Variants in BMPR2 observed in about 807,000 individuals in gnomAD.
BMPR2 encodes the protein bone morphogenetic protein receptor type-2.
In BMPR2, 29 loss-of-function variants were observed where a neutral mutation model predicts 100.8. The observed-to-expected ratio is 0.29, with a 90% confidence interval of 0.21 to 0.39. The LOEUF (loss-of-function observed/expected upper bound fraction) is 0.39, where lower values mean the gene tolerates loss of function less well. Among genes scored for constraint, BMPR2 ranks in the 10% least tolerant of loss-of-function variants. The pLI, the probability that BMPR2 is intolerant of heterozygous loss-of-function variation, is 1.00. For synonymous variants in BMPR2, 382 were observed against 442.3 expected (o/e 0.86, Z 1.71); for missense variants, 1,011 against 1,274.5 (o/e 0.79, Z 3.15).
At chr2:202,428,219 A>G (rs12474455) in intron 1 of BMPR2, among the ~76,000 whole-genome samples, 18,024 of 151,968 alleles carry the variant, frequency 0.12, 1,190 homozygotes, top group Admixed American at 0.14. Flanking sequence ...TAGCACGTGC[A>G]CACACATGTG....
At chr2:202,518,232 G>A (rs1220341600) in intron 5 of BMPR2, among the ~76,000 whole-genome samples, 3 of 149,648 alleles carry the variant, frequency 2.0e-5, no homozygotes, top group Non-Finnish European at 4.4e-5. Flanking sequence ...CCGTTTCCTG[G>A]GTTCAAGTGA....
chr2:202,411,965 T>C (rs1306961016), intron 1 of BMPR2, among the ~76,000 whole-genome samples: 4 of 152,086 alleles, frequency 2.6e-5, no homozygotes, highest in East Asian at 1.9e-4. Context: ...AGTGGGAAAA[T>C]TGATGAAATT....
intron 1 of BMPR2, among the ~76,000 whole-genome samples, chr2:202,378,227 CT>C (rs1057320315): frequency 3.3e-5 from 5 of 152,244 alleles, no homozygotes; most frequent in Admixed American, 3.3e-4. Flanking sequence ...TCCGAAAGTT[CT>C]TTGACATTTC....
chr2:202,514,247 C>G (rs1224121371), intron 4 of BMPR2, among the ~76,000 whole-genome samples: 1 of 152,166 alleles, frequency 6.6e-6, no homozygotes, highest in Non-Finnish European at 1.5e-5. Flanking sequence ...CGCCATTCTC[C>G]TGCCTCAGCC....
At chr2:202,485,807 A>G (rs13022353) in intron 3 of BMPR2, among the ~76,000 whole-genome samples, 18,049 of 151,850 alleles carry the variant, frequency 0.12, 1,190 homozygotes, top group Admixed American at 0.14. Flanking sequence ...GGCCTCCCAA[A>G]GTGCTGAGAT....
At chr2:202,458,423 T>C (rs920189634) in intron 1 of BMPR2, among the ~76,000 whole-genome samples, 1 of 151,916 alleles carries the variant, frequency 6.6e-6, no homozygotes, top group Non-Finnish European at 1.5e-5. Context: ...TGAGCCAAGG[T>C]TGTGCCACTG....
intron 1 of BMPR2, among the ~76,000 whole-genome samples, chr2:202,422,248 A>T (rs1484686375): frequency 6.6e-6 from 1 of 152,130 alleles, no homozygotes; most frequent in African/African-American, 2.4e-5. Flanking sequence ...TTTCAAAGAT[A>T]CATGTGAATG....
chr2:202,546,220 T>C (rs1688372891), intron 10 of BMPR2, among the ~76,000 whole-genome samples: 1 of 152,168 alleles, frequency 6.6e-6, no homozygotes, highest in African/African-American at 2.4e-5. Flanking sequence ...TAGAGTTAGG[T>C]AGCAAGTACA....
Position 202,377,256 on chromosome 2 carries a change from AC to A in BMPR2, c.-212del, listed in dbSNP as rs576966565. ...GCGGCACCCCGTCCGAGGCGAAGGA[AC>A]CCCCCCAGCCGCGAGGGAGAGAAAT... On this transcript the variant is annotated 5_prime_UTR_variant, in exon 1 of 13. It removes the in-frame stop codon of an upstream open reading frame in the 5' UTR. Transcript: ENST00000374580. 6.4e-6 allele frequency: 4 copies of A among 621,836 alleles called. No individual in the cohort carries two copies. The highest frequency in any genetic ancestry group is 8.7e-6 in the Non-Finnish European group (3 of 343,614). The allele number at this position is 621,836 out of a possible 1,614,324, so 38.5% of individuals were successfully genotyped here.
chr2:202,523,344 C>G (rs574813417), intron 7 of BMPR2, among the ~76,000 whole-genome samples: 1 of 152,164 alleles, frequency 6.6e-6, no homozygotes, highest in African/African-American at 2.4e-5. Flanking sequence ...GAACTTTAAA[C>G]AGAAATACCA....
At chr2:202,391,127 C>T (rs1422252775) in intron 1 of BMPR2, among the ~76,000 whole-genome samples, 1 of 151,270 alleles carries the variant, frequency 6.6e-6, no homozygotes, top group Non-Finnish European at 1.5e-5. Flanking sequence ...CAGGCATGTG[C>T]CACCACCCCC....
At chr2:202,514,079 T>TATATATCTATAAATA (rs1245107815) in intron 4 of BMPR2, among the ~76,000 whole-genome samples, 1 of 151,984 alleles carries the variant, frequency 6.6e-6, no homozygotes, top group Non-Finnish European at 1.5e-5. Context: ...AATTAGATAT[T>TATATATCTATAAATA]ATATATCTAT....
At chr2:202,458,956 T>C (rs534295601) in intron 1 of BMPR2, among the ~76,000 whole-genome samples, 1 of 152,340 alleles carries the variant, frequency 6.6e-6, no homozygotes, top group South Asian at 2.1e-4. Context: ...ACAGAAAAAG[T>C]GTAGGCTGTT....
rs183935619 is a variant in BMPR2 at position 202,448,082 on chromosome 2, G to C, written c.77-16727G>C. Among the ~76,000 whole-genome samples the C allele has an allele frequency of 2.8e-3, 413 of 150,154 alleles. 39 individuals carry two copies. The highest frequency in any genetic ancestry group is 0.01 in the African/African-American group (400 of 39,660). ...GTAGGTGGGCACTGTCTTATTCCCA[G>C]CATTTTTCCTGGTTTAGAATACTGC... On this transcript the variant is annotated intron_variant, in intron 1 of 12. Transcript: ENST00000374580.
At chr2:202,457,243 TAATA>T (rs1234618978) in intron 1 of BMPR2, among the ~76,000 whole-genome samples, 1 of 152,024 alleles carries the variant, frequency 6.6e-6, no homozygotes, top group Non-Finnish European at 1.5e-5. Flanking sequence ...TGAGTTAGAA[TAATA>T]AATAGCCTTA....
chr2:202,470,636 C>T (rs954855752), intron 3 of BMPR2, among the ~76,000 whole-genome samples: 29 of 151,554 alleles, frequency 1.9e-4, no homozygotes, highest in African/African-American at 6.3e-4. Flanking sequence ...CGGTGGCGGG[C>T]GCCTGTAGTC....
intron 3 of BMPR2, among the ~76,000 whole-genome samples, chr2:202,509,555 T>C (rs1381339174): frequency 1.3e-5 from 2 of 151,850 alleles, no homozygotes; most frequent in African/African-American, 2.4e-5. Context: ...CCTAGAAAGC[T>C]AAATCTTAGT....
At chr2:202,540,158 T>C (rs1187353536) in intron 9 of BMPR2, among the ~76,000 whole-genome samples, 1 of 152,184 alleles carries the variant, frequency 6.6e-6, no homozygotes, top group Non-Finnish European at 1.5e-5. Flanking sequence ...TTAGCAACTT[T>C]TAAAATTATA....
chr2:202,480,754 C>A (rs942662356), intron 3 of BMPR2, among the ~76,000 whole-genome samples: 2 of 151,730 alleles, frequency 1.3e-5, no homozygotes, highest in African/African-American at 2.4e-5. Flanking sequence ...GAGATCAAGA[C>A]CATCCTGGCT....
Sources: gnomAD v4.1 joint callset for allele counts (sites outside exome capture counted in the v4.1 genomes callset) on GRCh38, gnomAD v4.1.1 for gene constraint, MANE v1.5 for transcripts, NCBI Gene and HGNC (gene_info 2026-07-23, HGNC 2026-07-21) for gene names.